The following LTF variants were observed in gnomAD, a reference collection of about 807,000 sequenced individuals.
LTF encodes the protein lactotransferrin.
In LTF, 91 loss-of-function variants were observed where a neutral mutation model predicts 87.2. That is an observed-to-expected ratio of 1.04 (90% CI 0.88 to 1.24). LTF has a LOEUF of 1.24. Ranked by LOEUF, LTF falls within the 50% of genes most tolerant of loss-of-function variation. The pLI, the probability that LTF is intolerant of heterozygous loss-of-function variation, is 0.00. For synonymous variants in LTF, 378 were observed against 356.1 expected (o/e 1.06, Z -0.69); for missense variants, 901 against 904.3 (o/e 1.00, Z 0.05).
At chr3:46,449,108 C>A in intron 8 of LTF, 91 bp from the exon 9 acceptor site, 1 of 1,239,920 alleles carries the variant, frequency 8.1e-7, no homozygotes, top group Non-Finnish European at 1.1e-6. Context: ...CCAGACTCTC[C>A]CTGGAACAGG....
chr3:46,466,330 G>A (rs1575325477), upstream of LTF, among the ~76,000 whole-genome samples: 1 of 152,316 alleles, frequency 6.6e-6, no homozygotes, highest in Admixed American at 6.5e-5. Flanking sequence ...TTTCTTGGCA[G>A]GTGAGTCTGA....
At chr3:46,475,954 C>A (rs1331071471) in intron 1 of LTF, among the ~76,000 whole-genome samples, 1 of 152,170 alleles carries the variant, frequency 6.6e-6, no homozygotes, top group East Asian at 1.9e-4. Context: ...AATATGTATT[C>A]TTTTGTATTT....
In LTF at chr3:46,443,551, C is replaced by G. The variant is rs754294698; in HGVS notation, c.1545G>C (p.Gly515=). ...DEYFSQSCAP[G]SDPRSNLCAL... is the part of the protein sequence containing the mutation. ...CACAGAGATTAGATCTCGGGTCAGA[C>G]CCAGGGGCACAGCTTTGACTGAAAT... is the stretch of plus-strand genomic sequence containing the variant. Residue 515 remains glycine (G), a synonymous_variant, in exon 13 of 17, where the codon GGG becomes GGC. Coordinates refer to ENST00000231751, the MANE Select transcript of LTF (RefSeq NM_002343.6). 6.2e-7 allele frequency: 1 copy of G among 1,614,094 alleles called. No homozygotes were observed. Among genetic ancestry groups the G allele is most frequent in the Admixed American group, 1.7e-5 (1 of 60,020 alleles).
At chr3:46,445,228 A>C in intron 12 of LTF, 53 bp downstream of exon 12, 3 of 1,532,632 alleles carry the variant, frequency 2.0e-6, no homozygotes. Flanking sequence ...TCCACAGCAC[A>C]ATATGCCTAC....
In LTF at chr3:46,445,400, G is replaced by T. The variant is rs142639136; in HGVS notation, c.1394C>A (p.Thr465Asn). Residue 465 changes from threonine (T) to asparagine (N), a missense_variant, in exon 12 of 17, where the codon ACT (threonine) becomes AAT (asparagine). Coordinates refer to ENST00000231751, the MANE Select transcript of LTF (RefSeq NM_002343.6). ...LAVAVVRRSD[T>N]SLTWNSVKGK... ...TTTCACAGAGTTCCAGGTAAGGCTA[G>T]TGTCTGATCTCCTAACCACCGCCAC... The T allele has an allele frequency of 1.2e-6, 2 of 1,613,802 alleles. No individual in the cohort carries two copies. The highest frequency in any genetic ancestry group is 1.7e-6 in the Non-Finnish European group (2 of 1,179,872).
At chr3:46,454,055 G>A in intron 6 of LTF, 1 of 518,562 alleles carries the variant, frequency 1.9e-6, no homozygotes, top group South Asian at 2.4e-5. Flanking sequence ...TGTCTTGGAG[G>A]ACTGGAGGAC....
chr3:46,436,019 C>G lies in LTF; in HGVS notation c.*176G>C. On this transcript the variant is annotated 3_prime_UTR_variant, in exon 17 of 17. Transcript: ENST00000231751. ...GTGACACTTTATAAGGAGAGAATAT[C>G]AACAAAATTTCTCATTTTACTTCTT... is the stretch of plus-strand genomic sequence containing the variant. 1.6e-6 allele frequency: 1 copy of G among 625,700 alleles called. No individual in the cohort carries two copies. The highest frequency in any genetic ancestry group is 1.9e-5 in the South Asian group (1 of 52,204). 38.8% of individuals were successfully genotyped at this position (625,700 alleles called of 1,614,324 possible). A position where few individuals can be genotyped will look rare whatever the true frequency, so the allele number is the denominator to read the frequency against.
rs1559591500 is a variant in LTF, at chr3:46,439,488, G to A, written c.1724-8C>T. The A allele has an allele frequency of 3.8e-6, 6 of 1,594,124 alleles. No homozygotes were observed. Among genetic ancestry groups the A allele is most frequent in the Non-Finnish European group, 5.1e-6 (6 of 1,168,208 alleles). The stretch of plus-strand genomic sequence containing the variant: ...ATGCCTCATTGTTATTTCCTGGGGA[G>A]AAAAAGAAGGTGGCATCATCCACGC... On this transcript the variant is annotated splice_region_variant and splice_polypyrimidine_tract_variant and intron_variant, in intron 14 of 16. Coordinates refer to ENST00000231751, the MANE Select transcript of LTF (RefSeq NM_002343.6).
At chr3:46,474,870 C>A (rs1444286043) in intron 1 of LTF, among the ~76,000 whole-genome samples, 2 of 152,022 alleles carry the variant, frequency 1.3e-5, no homozygotes, top group African/African-American at 4.8e-5. Flanking sequence ...AAAGAGGAAA[C>A]CTCAAGTAAA....
At chr3:46,484,159 G>A (rs1228706719) in intron 1 of LTF, among the ~76,000 whole-genome samples, 2 of 152,212 alleles carry the variant, frequency 1.3e-5, no homozygotes, top group African/African-American at 2.4e-5. Context: ...GAAGGGAGGG[G>A]TCGGAGAAGA....
upstream of LTF, among the ~76,000 whole-genome samples, chr3:46,469,219 T>C (rs148936434): frequency 3.3e-5 from 5 of 152,318 alleles, no homozygotes; most frequent in African/African-American, 9.6e-5. Flanking sequence ...GTGAGTGAGA[T>C]ACAACTGCTA....
chr3:46,440,954 T>G (rs1702501376), intron 14 of LTF, among the ~76,000 whole-genome samples: 1 of 152,208 alleles, frequency 6.6e-6, no homozygotes, highest in African/African-American at 2.4e-5. Flanking sequence ...CCAAGGAGTC[T>G]CCAGACCAAG....
intron 14 of LTF, 120 bp from the exon 15 acceptor site, chr3:46,439,600 G>T (rs1702467358): frequency 2.6e-6 from 2 of 783,202 alleles, no homozygotes; most frequent in Admixed American, 3.0e-5. Context: ...TTGTGGTGAT[G>T]TGAGGAACAG....
chr3:46,473,979 A>C (rs1268965921), intron 1 of LTF, among the ~76,000 whole-genome samples: 1 of 152,230 alleles, frequency 6.6e-6, no homozygotes, highest in Non-Finnish European at 1.5e-5. Context: ...ACTCAAAGTT[A>C]CTATAGGTAC....
At chr3:46,446,625 G>T in intron 10 of LTF, 132 bp from the exon 11 acceptor site, 1 of 673,676 alleles carries the variant, frequency 1.5e-6, no homozygotes, top group Non-Finnish European at 2.5e-6. Context: ...GGAGAAATGC[G>T]TCTATATGTT....
At chr3:46,446,113 T>C (rs892525387) in intron 11 of LTF, among the ~76,000 whole-genome samples, 1 of 151,982 alleles carries the variant, frequency 6.6e-6, no homozygotes, top group Non-Finnish European at 1.5e-5. Flanking sequence ...GTATTACCTA[T>C]GGCTGTGAGT....
At chr3:46,449,431 G>A (rs1702741922) in intron 8 of LTF, among the ~76,000 whole-genome samples, 1 of 152,082 alleles carries the variant, frequency 6.6e-6, no homozygotes, top group Non-Finnish European at 1.5e-5. Context: ...GCAGCCTCTG[G>A]GTTCCCCCAG....
intron 1 of LTF, among the ~76,000 whole-genome samples, chr3:46,463,935 C>G (rs1355343511): frequency 1.3e-5 from 2 of 152,218 alleles, no homozygotes; most frequent in Non-Finnish European, 2.9e-5. Context: ...CCACCTCTTC[C>G]ATCCAGGAAG....
At chr3:46,460,590 C>CA (rs917470809) in intron 1 of LTF, 2 of 455,416 alleles carry the variant, frequency 4.4e-6, no homozygotes, top group Non-Finnish European at 8.8e-6. Flanking sequence ...AAGGCATCCA[C>CA]AAAAAACCTG....
Sources: allele counts gnomAD v4.1 joint callset (sites outside exome capture counted in the v4.1 genomes callset), GRCh38; gene constraint gnomAD v4.1.1; transcripts MANE v1.5; gene names NCBI Gene and HGNC (gene_info 2026-07-23, HGNC 2026-07-21).